PPM1E: variants seen among roughly 807,000 people sequenced by gnomAD.
The protein encoded by PPM1E is protein phosphatase, Mg2+/Mn2+ dependent 1E.
A neutral mutation model predicts 65.9 loss-of-function variants in PPM1E; 20 were observed. The ratio of observed to expected loss-of-function variants is 0.30; its 90% CI spans 0.21 to 0.44. The LOEUF is 0.44. Ranked by LOEUF, PPM1E falls within the 20% of genes least tolerant of loss-of-function variation. The pLI is 1.00. For synonymous variants in PPM1E, 352 were observed against 374.9 expected, an observed-to-expected ratio of 0.94 and a Z score of 0.70; for missense variants, 713 against 953.1, an observed-to-expected ratio of 0.75 and a Z score of 3.32.
chr17:58,804,597 A>C lies in PPM1E; in HGVS notation c.464+48136A>C, dbSNP rs547908532. Among the ~76,000 whole-genome samples the C allele has an allele frequency of 7.3e-4, 111 of 152,288 alleles. 1 individual carries two copies. The highest frequency in any genetic ancestry group is 2.6e-3 in the African/African-American group (109 of 41,568). On this transcript the variant is annotated intron_variant, in intron 1 of 6. Transcript: ENST00000308249. ...TCACTTAAGTTTCATTATTATAATAAATGTTAAAGATATTCCATCTACTTT... is the reference window on the plus strand; with the variant it reads ...TCACTTAAGTTTCATTATTATAATACATGTTAAAGATATTCCATCTACTTT...
At chr17:58,816,772 ATATATATATATATATATATATATTTTTTT>A (rs2050424343) in intron 1 of PPM1E, among the ~76,000 whole-genome samples, 3 of 18,004 alleles carry the variant, frequency 1.7e-4, no homozygotes, top group African/African-American at 3.5e-4. Context: ...ATATATATAT[ATATATATATATATATATATATATTTTTTT>A]TTTTTTTTTT....
chr17:58,934,301 G>A (rs1463117676), intron 1 of PPM1E, among the ~76,000 whole-genome samples: 1 of 152,096 alleles, frequency 6.6e-6, no homozygotes, highest in Non-Finnish European at 1.5e-5. Context: ...TCTGTGTGTA[G>A]TGTGCACAAA....
intron 1 of PPM1E, among the ~76,000 whole-genome samples, chr17:58,906,959 A>G (rs1022107306): frequency 4.6e-5 from 7 of 152,188 alleles, no homozygotes; most frequent in South Asian, 2.1e-4. Context: ...ATTGTTGGCC[A>G]GGCCCAGGGG....
At chr17:58,882,446 A>C (rs1453098517) in intron 1 of PPM1E, among the ~76,000 whole-genome samples, 2 of 151,914 alleles carry the variant, frequency 1.3e-5, no homozygotes, top group Non-Finnish European at 2.9e-5. Context: ...GCTGGAGTGC[A>C]ATGGTGCCAT....
At chr17:58,904,227 G>T (rs1038711051) in intron 1 of PPM1E, among the ~76,000 whole-genome samples, 2 of 152,094 alleles carry the variant, frequency 1.3e-5, no homozygotes, top group African/African-American at 2.4e-5. Flanking sequence ...TGCTTAGCAG[G>T]GTTGGCATGT....
chr17:58,843,857 A>G (rs2050745437), intron 1 of PPM1E, among the ~76,000 whole-genome samples: 1 of 152,150 alleles, frequency 6.6e-6, no homozygotes, highest in African/African-American at 2.4e-5. Flanking sequence ...AACATTGTGA[A>G]ACAATGAAGA....
intron 1 of PPM1E, among the ~76,000 whole-genome samples, chr17:58,810,159 T>A (rs2050351978): frequency 6.6e-6 from 1 of 152,176 alleles, no homozygotes; most frequent in African/African-American, 2.4e-5. Context: ...GAGGTCTGAT[T>A]TTAGGCTTGA....
intron 1 of PPM1E, among the ~76,000 whole-genome samples, chr17:58,898,410 G>A (rs932137793): frequency 6.6e-6 from 1 of 152,170 alleles, no homozygotes; most frequent in African/African-American, 2.4e-5. Context: ...ATGAAAAAAT[G>A]CTCATCATCA....
At chr17:58,807,210 A>G (rs189500792) in intron 1 of PPM1E, among the ~76,000 whole-genome samples, 1 of 152,274 alleles carries the variant, frequency 6.6e-6, no homozygotes, top group Non-Finnish European at 1.5e-5. Flanking sequence ...TCCATAATAA[A>G]ATGATTTTTT....
chr17:58,757,846 G>A (rs1015231313), intron 1 of PPM1E, among the ~76,000 whole-genome samples: 1 of 152,106 alleles, frequency 6.6e-6, no homozygotes, highest in Admixed American at 6.5e-5. Flanking sequence ...AGGTAATGAT[G>A]CTTTTTGAGA....
chr17:58,957,206 C>G (rs965351722), intron 2 of PPM1E, among the ~76,000 whole-genome samples: 1 of 152,156 alleles, frequency 6.6e-6, no homozygotes, highest in African/African-American at 2.4e-5. Flanking sequence ...AGGGGGTGGA[C>G]TGCTACTTTG....
intron 6 of PPM1E, among the ~76,000 whole-genome samples, chr17:58,976,166 A>G (rs1192234364): frequency 6.6e-6 from 1 of 152,182 alleles, no homozygotes; most frequent in African/African-American, 2.4e-5. Flanking sequence ...CAAGTAGAGG[A>G]GAAATTGAAG....
At chr17:58,952,013 G>T (rs2052246708) in intron 1 of PPM1E, among the ~76,000 whole-genome samples, 1 of 152,138 alleles carries the variant, frequency 6.6e-6, no homozygotes, top group Admixed American at 6.5e-5. Context: ...CATAGGGAAA[G>T]ATTTAGTCAT....
chr17:58,905,360 A>G lies in PPM1E; in HGVS notation c.465-50289A>G, dbSNP rs77352670. Among the ~76,000 whole-genome samples the G allele has an allele frequency of 2.3e-3, 351 of 152,288 alleles. 2 individuals are homozygous for G. Among genetic ancestry groups the G allele is most frequent in the East Asian group, 8.3e-3 (43 of 5,188 alleles). ...TGTAAGTCTTTTATAGATATTCTTT[A>G]TTAAGTTAAAGAAGTTGCCCTCTAT... On this transcript the variant is annotated intron_variant, in intron 1 of 6. Transcript: ENST00000308249.
rs973864918 is a variant in PPM1E at position 58,984,295 on chromosome 17, G to C, written c.*3264G>C. ...TTCATGACAACCACACTCCACTGTTGAAACACTGTGCCAGTGAGAAGTGCA... is the reference window on the plus strand; with the variant it reads ...TTCATGACAACCACACTCCACTGTTCAAACACTGTGCCAGTGAGAAGTGCA... On this transcript the variant is annotated 3_prime_UTR_variant, in exon 7 of 7. Coordinates refer to ENST00000308249, the MANE Select transcript of PPM1E (RefSeq NM_014906.5). 1 of 152,568 alleles carries C rather than the reference G, an allele frequency of 6.6e-6. No homozygotes were observed. The highest frequency in any genetic ancestry group is 2.4e-5 in the African/African-American group (1 of 41,430). 9.5% of individuals were successfully genotyped at this position (152,568 alleles called of 1,614,324 possible). A position where few individuals can be genotyped will look rare whatever the true frequency, so the allele number is the denominator to read the frequency against.
At chr17:58,841,031 A>C (rs190425168) in intron 1 of PPM1E, among the ~76,000 whole-genome samples, 1 of 152,300 alleles carries the variant, frequency 6.6e-6, no homozygotes, top group East Asian at 1.9e-4. Flanking sequence ...ATATTGTGCA[A>C]ACGGGATGTT....
Position 58,930,250 on chromosome 17 carries a change from T to TATACACAC in PPM1E, c.465-25398_465-25397insTACACACA, listed in dbSNP as rs1555620517. 3.3e-3 allele frequency among the ~76,000 whole-genome samples: 478 copies of TATACACAC among 143,276 alleles called. 5 individuals carry two copies. Among genetic ancestry groups the TATACACAC allele is most frequent in the East Asian group, 0.028 (137 of 4,870 alleles). 94.0% of individuals were successfully genotyped at this position (143,276 alleles called of 152,430 possible). ...ACCTCTACAATAAATTAAATGTATA[T>TATACACAC]ACACACACACACACACACACACACA... On this transcript the variant is annotated intron_variant, in intron 1 of 6. Coordinates refer to ENST00000308249, the MANE Select transcript of PPM1E (RefSeq NM_014906.5).
rs1180599426 is a variant in PPM1E, at chr17:58,982,460, T to C, written c.*1429T>C. ...TGGGTGGCCCCTCTGGAGTGCTCAC[T>C]AACAAGGGTGAGTGCTCTCGCTAAG... On this transcript the variant is annotated 3_prime_UTR_variant, in exon 7 of 7. Coordinates refer to ENST00000308249, the MANE Select transcript of PPM1E (RefSeq NM_014906.5). The C allele has an allele frequency of 1.3e-5, 2 of 158,186 alleles. No homozygotes were observed. The highest frequency in any genetic ancestry group is 2.8e-5 in the Non-Finnish European group (2 of 71,780). The allele number at this position is 158,186 out of a possible 1,614,324, so 9.8% of individuals were successfully genotyped here. A position where few individuals can be genotyped will look rare whatever the true frequency, so the allele number is the denominator to read the frequency against.
At chr17:58,878,793 G>A (rs527397135) in intron 1 of PPM1E, among the ~76,000 whole-genome samples, 3 of 151,296 alleles carry the variant, frequency 2.0e-5, no homozygotes, top group African/African-American at 7.3e-5. Flanking sequence ...TTAGCTGGGC[G>A]TGGTGGTGCA....
Sources: allele counts gnomAD v4.1 joint callset (sites outside exome capture counted in the v4.1 genomes callset), GRCh38; gene constraint gnomAD v4.1.1; transcripts MANE v1.5; gene names NCBI Gene and HGNC (gene_info 2026-07-23, HGNC 2026-07-21).